Variants in MIA2 observed in about 807,000 individuals in gnomAD.
The protein encoded by MIA2 is melanoma inhibitory activity protein 2.
MIA2 carries 127 observed loss-of-function variants against 167.8 expected under a neutral mutation model. The observed-to-expected ratio is 0.76, with a 90% CI of 0.66 to 0.88. MIA2 has a LOEUF of 0.88. MIA2 is among the 40% of genes least tolerant of loss of function. The pLI, the probability that MIA2 is intolerant of heterozygous loss-of-function variation, is 0.00. For synonymous variants in MIA2, 552 were observed against 541.9 expected, an observed-to-expected ratio of 1.02 and a Z score of -0.26; for missense variants, 1,690 against 1,624.7, an observed-to-expected ratio of 1.04 and a Z score of -0.69.
chr14:39,277,434 G>A (rs1200422255), intron 7 of MIA2, among the ~76,000 whole-genome samples: 1 of 151,590 alleles, frequency 6.6e-6, no homozygotes, highest in African/African-American at 2.4e-5. Flanking sequence ...GCTGAGGTGG[G>A]AGGATTGCCT....
Position 39,233,977 on chromosome 14 carries a change from A to G in MIA2, c.-138A>G. On this transcript the variant is annotated 5_prime_UTR_variant, in exon 1 of 29. Transcript: ENST00000640607. ...AAGCCGATAGAAAAAGGTAGTTATCAAGAGATTTTTAAAACTTCAACCCTT... is the reference window on the plus strand; with the variant it reads ...AAGCCGATAGAAAAAGGTAGTTATCGAGAGATTTTTAAAACTTCAACCCTT... 2.0e-6 allele frequency: 1 copy of G among 508,362 alleles called. No individual in the cohort carries two copies. The highest frequency in any genetic ancestry group is 3.5e-6 in the Non-Finnish European group (1 of 286,040). The allele number at this position is 508,362 out of a possible 1,614,324, so 31.5% of individuals were successfully genotyped here.
intron 25 of MIA2, among the ~76,000 whole-genome samples, chr14:39,343,983 T>C (rs929134756): frequency 6.6e-6 from 1 of 152,228 alleles, no homozygotes; most frequent in Admixed American, 6.5e-5. Flanking sequence ...TCTTATATTA[T>C]GTATATTTCC....
At chr14:39,324,133 CTT>C (rs763484827) in intron 24 of MIA2, among the ~76,000 whole-genome samples, 1 of 152,162 alleles carries the variant, frequency 6.6e-6, no homozygotes, top group Non-Finnish European at 1.5e-5. Context: ...GAATAGAAAA[CTT>C]TAACCATTAG....
At chr14:39,304,258 A>G in intron 16 of MIA2, 33 bp from the exon 17 acceptor site, 1 of 1,011,258 alleles carries the variant, frequency 9.9e-7, no homozygotes, top group Non-Finnish European at 1.5e-6. Flanking sequence ...TAACTGATTA[A>G]TGTTACTTTT....
rs527653173 is a variant in MIA2, at chr14:39,260,983, G to GT, written c.1887+7821dup. Among the ~76,000 whole-genome samples the GT allele has an allele frequency of 5.1e-4, 76 of 149,948 alleles. 1 individual carries two copies. The highest frequency in any genetic ancestry group is 3.5e-3 in the Middle Eastern group (1 of 288). ...ATAGGGGATCCTTTCCCCGTTTCTT[G>GT]TTTTTTTTTCTTTTTTTAAATTATA... On this transcript the variant is annotated intron_variant, in intron 6 of 28. Coordinates refer to ENST00000640607, the MANE Select transcript of MIA2 (RefSeq NM_001329214.4).
At chr14:39,363,265 C>CA (rs1485393542) in intron 23 of MIA2, among the ~76,000 whole-genome samples, 1 of 152,194 alleles carries the variant, frequency 6.6e-6, no homozygotes, top group Admixed American at 6.5e-5. Context: ...TGCTGTGGCT[C>CA]ACACCTGTAA....
rs1026105665 is a variant in MIA2, at chr14:39,347,841, T to A, written c.3837+70T>A. 842 of 1,106,304 alleles carry A rather than the reference T, an allele frequency of 7.6e-4. 10 individuals are homozygous for A. In the South Asian group the frequency reaches 9.7e-3, roughly 13 times the overall value. 68.5% of individuals were successfully genotyped at this position (1,106,304 alleles called of 1,614,324 possible). A position where few individuals can be genotyped will look rare whatever the true frequency, so the allele number is the denominator to read the frequency against. On this transcript the variant is annotated intron_variant, in intron 27 of 28. Transcript: ENST00000640607. The stretch of plus-strand genomic sequence containing the variant: ...TTCTTTTTTTTTTTTTTTTTTTTTT[T>A]ATGGAGTTTCACTATTGTTGCCCAA...
At chr14:39,367,646 T>C (rs1339942675) in intron 23 of MIA2, among the ~76,000 whole-genome samples, 2 of 152,220 alleles carry the variant, frequency 1.3e-5, no homozygotes, top group Non-Finnish European at 2.9e-5. Context: ...CTTCCATGCC[T>C]CAGGTATTTC....
At chr14:39,363,543 T>A (rs543204741) in intron 23 of MIA2, among the ~76,000 whole-genome samples, 1 of 152,094 alleles carries the variant, frequency 6.6e-6, no homozygotes, top group African/African-American at 2.4e-5. Flanking sequence ...AAAAAAAATC[T>A]GATGTTTCTT....
intron 23 of MIA2, among the ~76,000 whole-genome samples, chr14:39,383,690 C>T (rs2075214157): frequency 6.6e-6 from 1 of 152,176 alleles, no homozygotes; most frequent in South Asian, 2.1e-4. Flanking sequence ...GGTGCTACTT[C>T]ATTGAACACA....
chr14:39,242,938 C>T (rs1405451631), intron 3 of MIA2, among the ~76,000 whole-genome samples: 8 of 151,674 alleles, frequency 5.3e-5, no homozygotes. Flanking sequence ...GCCTGACCAA[C>T]ATGGTGAAAC....
chr14:39,374,259 A>G (rs932695003), intron 23 of MIA2, among the ~76,000 whole-genome samples: 5 of 152,248 alleles, frequency 3.3e-5, no homozygotes, highest in African/African-American at 1.2e-4. Flanking sequence ...AGTCCAAAGC[A>G]GATAAATAAA....
intron 6 of MIA2, among the ~76,000 whole-genome samples, chr14:39,273,910 A>G (rs963592838): frequency 1.3e-5 from 2 of 152,172 alleles, no homozygotes; most frequent in Admixed American, 1.3e-4. Flanking sequence ...ATTGGTGTTA[A>G]TGTTTTATCT....
chr14:39,286,260 C>T (rs1296796618), intron 9 of MIA2, among the ~76,000 whole-genome samples: 1 of 152,216 alleles, frequency 6.6e-6, no homozygotes, highest in African/African-American at 2.4e-5. Flanking sequence ...CCGGCCAACA[C>T]AGTGAAACCC....
intron 13 of MIA2, among the ~76,000 whole-genome samples, chr14:39,298,370 C>T (rs11849060): frequency 1.4e-5 from 2 of 138,014 alleles, no homozygotes; most frequent in Admixed American, 1.5e-4. Flanking sequence ...TGAATTTTTT[C>T]TTGGATTCTC....
chr14:39,269,565 G>C (rs567027906), intron 6 of MIA2, among the ~76,000 whole-genome samples: 19 of 151,848 alleles, frequency 1.3e-4, no homozygotes, highest in Middle Eastern at 6.8e-3. Flanking sequence ...TGTCACCCAG[G>C]GGGGAGTGCA....
intron 23 of MIA2, chr14:39,386,540 C>G: frequency 7.6e-7 from 1 of 1,318,914 alleles, no homozygotes; most frequent in Non-Finnish European, 1.1e-6. Flanking sequence ...TCTCCTTTTT[C>G]TTTGGTGATT....
At position 39,247,368 on chromosome 14, in the gene MIA2, A is replaced by G; in HGVS notation, c.794A>G (p.Glu265Gly). ...KIAVEDENDLEELNNGEPQTE... is the reference protein window; with the variant it reads ...KIAVEDENDLGELNNGEPQTE... ...GCAGTGGAAGATGAGAATGACCTAG[A>G]GGAATTAAATAATGGTGAGCCTCAA... Residue 265 changes from glutamate (E) to glycine (G), a missense_variant, in exon 4 of 29, where the codon GAG becomes GGG. Physicochemically the swap from Glu to Gly is moderately conservative, Grantham distance 98. Coordinates refer to ENST00000640607, the MANE Select transcript of MIA2 (RefSeq NM_001329214.4). The G allele has an allele frequency of 6.2e-7, 1 of 1,614,166 alleles. No homozygotes were observed. Among genetic ancestry groups the G allele is most frequent in the South Asian group, 1.1e-5 (1 of 91,082 alleles).
In MIA2 at chr14:39,247,038, A is replaced by G. The variant is rs2054349139; in HGVS notation, c.464A>G (p.Tyr155Cys). 3 of 1,602,380 alleles carry G rather than the reference A, an allele frequency of 1.9e-6. No individual in the cohort carries two copies. The African/African-American group carries it at 4.1e-5, about 22-fold the overall frequency. Residue 155 changes from tyrosine to cysteine, a missense_variant, in exon 4 of 29, where the codon TAT becomes TGT. Physicochemically the swap from Tyr to Cys is radical, Grantham distance 194. Transcript: ENST00000640607. ...EEDKDEKSSI[Y>C]ESDFQIEPGF... ...GATAAAGATGAAAAATCTAGTATAT[A>G]TGAAAGTGATTTTCAGATAGAACCT...
Sources: gnomAD v4.1 joint callset for allele counts (sites outside exome capture counted in the v4.1 genomes callset) on GRCh38, gnomAD v4.1.1 for gene constraint, MANE v1.5 for transcripts, NCBI Gene and HGNC (gene_info 2026-07-23, HGNC 2026-07-21) for gene names.